KCNIP4: variants seen among roughly 807,000 people sequenced by gnomAD.
KCNIP4 encodes the protein potassium voltage-gated channel interacting protein 4.
Under a neutral mutation model 34.0 loss-of-function variants are expected in KCNIP4, and 12 were observed. The observed-to-expected ratio is 0.35, with a 90% CI of 0.23 to 0.57. KCNIP4 has a LOEUF of 0.57. KCNIP4 is among the 20% of genes least tolerant of loss of function. The probability of loss-of-function intolerance (pLI) is 0.83; values close to 1 mark genes in which losing one functional copy is unlikely to be tolerated. For missense variants in KCNIP4, 238 were observed against 311.7 expected (o/e 0.76, Z 1.78); for synonymous variants, 124 against 102.2 (o/e 1.21, Z -1.29).
chr4:20,952,717 T>C (rs1732905602), intron 1 of KCNIP4, among the ~76,000 whole-genome samples: 1 of 152,382 alleles, frequency 6.6e-6, no homozygotes. Context: ...TATGACAGCA[T>C]TCTTTGGATG....
chr4:21,456,537 A>G (rs1728969670), intron 1 of KCNIP4, among the ~76,000 whole-genome samples: 1 of 148,212 alleles, frequency 6.7e-6, no homozygotes, highest in Non-Finnish European at 1.5e-5. Flanking sequence ...TAGTAATTAT[A>G]TCCATAAAGT....
chr4:21,498,604 C>T (rs1733044431), intron 1 of KCNIP4, among the ~76,000 whole-genome samples: 2 of 152,178 alleles, frequency 1.3e-5, no homozygotes, highest in South Asian at 4.1e-4. Context: ...ACCAGCTCAG[C>T]TGGGGGAAAA....
At chr4:21,771,310 T>C (rs1718770303) in intron 1 of KCNIP4, among the ~76,000 whole-genome samples, 1 of 152,222 alleles carries the variant, frequency 6.6e-6, no homozygotes, top group South Asian at 2.1e-4. Context: ...ATGTCTGTTT[T>C]GGTACAAGTA....
At chr4:20,999,418 TTTTTTTTTGTTTGTTTTTTG>T (rs1458147588) in intron 1 of KCNIP4, among the ~76,000 whole-genome samples, 24,307 of 116,262 alleles carry the variant, frequency 0.21, 2,052 homozygotes, top group Middle Eastern at 0.32. Context: ...GGTGGTGTTT[TTTTTTTTTGTTTGTTTTTTG>T]TTTTTTTTTT....
At chr4:21,803,947 G>A (rs1721147808) in intron 1 of KCNIP4, among the ~76,000 whole-genome samples, 1 of 152,192 alleles carries the variant, frequency 6.6e-6, no homozygotes, top group Non-Finnish European at 1.5e-5. Flanking sequence ...TAGATCAGCA[G>A]TCAAACAAAG....
chr4:21,018,331 T>C (rs952249659), intron 1 of KCNIP4, among the ~76,000 whole-genome samples: 1 of 152,196 alleles, frequency 6.6e-6, no homozygotes, highest in Non-Finnish European at 1.5e-5. Context: ...TCTTCCCTTA[T>C]AAAGTGAAAG....
At chr4:21,805,243 T>C (rs1287080722) in intron 1 of KCNIP4, among the ~76,000 whole-genome samples, 3 of 152,180 alleles carry the variant, frequency 2.0e-5, no homozygotes, top group Non-Finnish European at 4.4e-5. Flanking sequence ...TGGAACTCCA[T>C]CTAGATGTAT....
chr4:21,327,376 C>T (rs2109315545), intron 1 of KCNIP4, among the ~76,000 whole-genome samples: 1 of 152,200 alleles, frequency 6.6e-6, no homozygotes, highest in African/African-American at 2.4e-5. Context: ...GCCAATCTCT[C>T]CTGTCTTTTA....
At chr4:21,182,349 G>C (rs2109325629) in intron 1 of KCNIP4, among the ~76,000 whole-genome samples, 1 of 152,198 alleles carries the variant, frequency 6.6e-6, no homozygotes. Flanking sequence ...CAGGGGGACT[G>C]ACAGCATCCT....
chr4:21,437,458 G>A (rs1278341517), intron 1 of KCNIP4, among the ~76,000 whole-genome samples: 1 of 152,156 alleles, frequency 6.6e-6, no homozygotes, highest in Non-Finnish European at 1.5e-5. Flanking sequence ...CCATGCAGCT[G>A]TTCTTCCTCC....
At chr4:20,913,841 G>A (rs369164403) in intron 1 of KCNIP4, among the ~76,000 whole-genome samples, 1 of 152,202 alleles carries the variant, frequency 6.6e-6, no homozygotes, top group South Asian at 2.1e-4. Flanking sequence ...ATCTGAATCA[G>A]TATTGCAAAG....
At chr4:21,487,944 C>G (rs4456944) in intron 1 of KCNIP4, among the ~76,000 whole-genome samples, 36,174 of 151,844 alleles carry the variant, frequency 0.24, 4,450 homozygotes, top group South Asian at 0.3. Flanking sequence ...TGCCCTAGTT[C>G]TAGAATCAAC....
At chr4:20,836,130 T>C (rs1304783202) in intron 3 of KCNIP4, among the ~76,000 whole-genome samples, 2 of 152,186 alleles carry the variant, frequency 1.3e-5, no homozygotes, top group Admixed American at 6.5e-5. Flanking sequence ...TTTAATGATT[T>C]TGCCCTGTGC....
At chr4:20,964,572 T>C (rs1023694259) in intron 1 of KCNIP4, among the ~76,000 whole-genome samples, 5 of 152,166 alleles carry the variant, frequency 3.3e-5, no homozygotes, top group Admixed American at 1.3e-4. Context: ...ACTTTTCTGA[T>C]GATTTCCCCA....
chr4:21,563,846 A>T (rs1202768891), intron 1 of KCNIP4, among the ~76,000 whole-genome samples: 2 of 152,024 alleles, frequency 1.3e-5, no homozygotes, highest in East Asian at 1.9e-4. Flanking sequence ...AGGGGAGGAG[A>T]TAATGGATTT....
At chr4:21,595,539 T>G (rs1742581012) in intron 1 of KCNIP4, among the ~76,000 whole-genome samples, 1 of 152,110 alleles carries the variant, frequency 6.6e-6, no homozygotes, top group Non-Finnish European at 1.5e-5. Context: ...ATAGTATTTC[T>G]GGTTCCAGAT....
intron 1 of KCNIP4, among the ~76,000 whole-genome samples, chr4:21,219,388 C>T (rs1757830733): frequency 1.3e-5 from 2 of 152,036 alleles, no homozygotes; most frequent in Admixed American, 6.6e-5. Flanking sequence ...TGTGTGTTTG[C>T]CAAATAATGG....
chr4:21,920,466 G>T (rs909349126), intron 1 of KCNIP4, among the ~76,000 whole-genome samples: 13 of 152,052 alleles, frequency 8.5e-5, no homozygotes, highest in African/African-American at 2.4e-4. Context: ...AGACTTTGGG[G>T]TGTTGTTTGG....
At chr4:21,892,781 C>A (rs988575311) in intron 1 of KCNIP4, among the ~76,000 whole-genome samples, 1 of 152,022 alleles carries the variant, frequency 6.6e-6, no homozygotes, top group Non-Finnish European at 1.5e-5. Context: ...TGGTTTACAA[C>A]TCTTGCTGTG....
Sources: gnomAD v4.1 joint callset for allele counts (sites outside exome capture counted in the v4.1 genomes callset) on GRCh38, gnomAD v4.1.1 for gene constraint, MANE v1.5 for transcripts, NCBI Gene and HGNC (gene_info 2026-07-23, HGNC 2026-07-21) for gene names.